The following LHFPL6 variants were observed in gnomAD, a reference collection of about 807,000 sequenced individuals.
The protein encoded by LHFPL6 is LHFPL tetraspan subfamily member 6 protein.
In LHFPL6, 9 loss-of-function variants were observed where a neutral mutation model predicts 20.6. The ratio of observed to expected loss-of-function variants is 0.44; its 90% CI spans 0.26 to 0.76. LHFPL6 has a LOEUF of 0.76. Ranked by LOEUF, LHFPL6 falls within the 30% of genes least tolerant of loss-of-function variation. The probability of loss-of-function intolerance (pLI) is 0.20; values close to 1 mark genes in which losing one functional copy is unlikely to be tolerated. For missense variants in LHFPL6, 218 were observed against 253.5 expected (o/e 0.86, Z 0.95); for synonymous variants, 105 against 98.7 (o/e 1.06, Z -0.38).
intron 2 of LHFPL6, among the ~76,000 whole-genome samples, chr13:39,501,863 T>C (rs1246244156): frequency 6.6e-6 from 1 of 151,402 alleles, no homozygotes; most frequent in Admixed American, 6.6e-5. Context: ...GAGCCAAGAG[T>C]CAAGCAATTA....
At chr13:39,575,938 G>A (rs1261858993) in intron 2 of LHFPL6, among the ~76,000 whole-genome samples, 4 of 152,198 alleles carry the variant, frequency 2.6e-5, no homozygotes, top group Non-Finnish European at 5.9e-5. Flanking sequence ...AGACCACAGA[G>A]GGGCCAACAT....
chr13:39,493,885 T>C (rs1224452416), intron 2 of LHFPL6, among the ~76,000 whole-genome samples: 1 of 152,184 alleles, frequency 6.6e-6, no homozygotes, highest in East Asian at 1.9e-4. Context: ...TATTTTTATA[T>C]AGAAAAGCAA....
chr13:39,507,938 T>C (rs1439435259), intron 2 of LHFPL6, among the ~76,000 whole-genome samples: 1 of 130,890 alleles, frequency 7.6e-6, no homozygotes, highest in Non-Finnish European at 1.6e-5. Flanking sequence ...CTCCCATTTC[T>C]TTCTCTTTTC....
At chr13:39,388,668 A>G (rs549959460) in intron 2 of LHFPL6, among the ~76,000 whole-genome samples, 2 of 152,308 alleles carry the variant, frequency 1.3e-5, no homozygotes, top group Non-Finnish European at 2.9e-5. Context: ...GACTTTATGA[A>G]AACAAAGTAG....
chr13:39,438,519 G>C (rs967268068), intron 2 of LHFPL6, among the ~76,000 whole-genome samples: 8 of 152,234 alleles, frequency 5.3e-5, no homozygotes, highest in Non-Finnish European at 1.2e-4. Flanking sequence ...AAGTAAAGAG[G>C]AGCCAAGTGC....
At chr13:39,581,217 G>C (rs1872271764) in intron 2 of LHFPL6, among the ~76,000 whole-genome samples, 1 of 152,152 alleles carries the variant, frequency 6.6e-6, no homozygotes, top group Non-Finnish European at 1.5e-5. Context: ...AATCCCATCA[G>C]ATTCAGAGTT....
intron 2 of LHFPL6, among the ~76,000 whole-genome samples, chr13:39,594,625 C>T (rs1872714510): frequency 6.6e-6 from 1 of 152,042 alleles, no homozygotes; most frequent in African/African-American, 2.4e-5. Context: ...GGGTATATAC[C>T]CAAAGGATTA....
chr13:39,434,032 A>G (rs1279958165), intron 2 of LHFPL6, among the ~76,000 whole-genome samples: 1 of 152,014 alleles, frequency 6.6e-6, no homozygotes, highest in Non-Finnish European at 1.5e-5. Flanking sequence ...AGGCTTTTGG[A>G]TTCCTATTTT....
At chr13:39,457,610 T>A (rs1872601013) in intron 2 of LHFPL6, among the ~76,000 whole-genome samples, 1 of 152,214 alleles carries the variant, frequency 6.6e-6, no homozygotes, top group Admixed American at 6.5e-5. Flanking sequence ...CATATGACTC[T>A]GCAATCTATT....
At chr13:39,495,920 C>A (rs1869086288) in intron 2 of LHFPL6, among the ~76,000 whole-genome samples, 1 of 143,976 alleles carries the variant, frequency 6.9e-6, no homozygotes, top group Non-Finnish European at 1.5e-5. Flanking sequence ...CAACTGCTAG[C>A]CAGCTAGGTG....
chr13:39,404,481 A>C (rs1566103830), intron 2 of LHFPL6, among the ~76,000 whole-genome samples: 1 of 152,178 alleles, frequency 6.6e-6, no homozygotes, highest in Non-Finnish European at 1.5e-5. Context: ...AATCACCCAG[A>C]CAGCTTTCAA....
intron 2 of LHFPL6, among the ~76,000 whole-genome samples, chr13:39,449,059 A>C (rs1174442185): frequency 1.3e-5 from 2 of 152,214 alleles, no homozygotes; most frequent in African/African-American, 4.8e-5. Flanking sequence ...CTGCAGCTTT[A>C]ATAGGGCAAG....
chr13:39,458,424 C>T (rs1343466746), intron 2 of LHFPL6, among the ~76,000 whole-genome samples: 5 of 152,050 alleles, frequency 3.3e-5, no homozygotes, highest in East Asian at 3.9e-4. Flanking sequence ...AAGCCAGGCG[C>T]GGTGGCTCAT....
intron 2 of LHFPL6, among the ~76,000 whole-genome samples, chr13:39,424,036 T>G (rs908270680): frequency 6.6e-6 from 1 of 152,168 alleles, no homozygotes; most frequent in Non-Finnish European, 1.5e-5. Flanking sequence ...ATCTCTGTAT[T>G]GAACTCCTAT....
intron 2 of LHFPL6, among the ~76,000 whole-genome samples, chr13:39,535,973 C>A (rs1405886753): frequency 6.6e-6 from 1 of 152,112 alleles, no homozygotes; most frequent in African/African-American, 2.4e-5. Flanking sequence ...TATTTGATTA[C>A]CTGCTTCAGC....
Position 39,343,025 on chromosome 13 carries a change from A to C in LHFPL6, c.*911T>G, listed in dbSNP as rs1450843493. 2 of 195,010 alleles carry C rather than the reference A, an allele frequency of 1.0e-5. No homozygotes were observed. The highest frequency in any genetic ancestry group is 2.1e-5 in the Non-Finnish European group (2 of 93,422). The allele number at this position is 195,010 out of a possible 1,614,324, so 12.1% of individuals were successfully genotyped here. On this transcript the variant is annotated 3_prime_UTR_variant, in exon 4 of 4. Transcript: ENST00000379589. ...ACAATAATGGACAAAAGAAAACACG[A>C]TCCAATGACTGGAAAATGTCTCTCA...
chr13:39,502,015 A>G (rs1566126063), intron 2 of LHFPL6, among the ~76,000 whole-genome samples: 2 of 152,108 alleles, frequency 1.3e-5, no homozygotes, highest in African/African-American at 4.8e-5. Flanking sequence ...CATGGGCAGA[A>G]CTCTGTTTTC....
chr13:39,471,745 G>C (rs990504524), intron 2 of LHFPL6, among the ~76,000 whole-genome samples: 1 of 152,208 alleles, frequency 6.6e-6, no homozygotes, highest in African/African-American at 2.4e-5. Context: ...CAACCTTGTA[G>C]AGAAATTAAC....
chr13:39,367,815 T>C (rs1300729614), intron 3 of LHFPL6, among the ~76,000 whole-genome samples: 1 of 152,244 alleles, frequency 6.6e-6, no homozygotes, highest in East Asian at 1.9e-4. Flanking sequence ...TTAAACGGTC[T>C]GGAGACCTTA....
Sources: gnomAD v4.1 joint callset for allele counts (sites outside exome capture counted in the v4.1 genomes callset) on GRCh38, gnomAD v4.1.1 for gene constraint, MANE v1.5 for transcripts, NCBI Gene and HGNC (gene_info 2026-07-23, HGNC 2026-07-21) for gene names.